NEK11: variants seen among roughly 807,000 people sequenced by gnomAD.
NEK11 encodes NIMA related kinase 11.
NEK11 carries 72 observed loss-of-function variants against 80.7 expected under a neutral mutation model. The observed-to-expected ratio is 0.89, with a 90% CI of 0.74 to 1.08. The LOEUF is 1.08. Among genes scored for constraint, NEK11 ranks in the 50% least tolerant of loss-of-function variants. NEK11 has a pLI of 0.00. For synonymous variants in NEK11, 251 were observed against 260.7 expected (o/e 0.96, Z 0.36); for missense variants, 764 against 763.6 (o/e 1.00, Z -0.01).
intron 17 of NEK11, among the ~76,000 whole-genome samples, chr3:131,281,116 T>C (rs1392128860): frequency 6.6e-6 from 1 of 152,106 alleles, no homozygotes; most frequent in Non-Finnish European, 1.5e-5. Context: ...TACACAGGTT[T>C]ATTGATTTCT....
intron 4 of NEK11, among the ~76,000 whole-genome samples, chr3:131,094,485 A>G (rs1218024616): frequency 6.6e-6 from 1 of 152,164 alleles, no homozygotes; most frequent in Non-Finnish European, 1.5e-5. Flanking sequence ...ACCTTTGAAC[A>G]AGGCAATACA....
chr3:131,037,610 G>C (rs988703552), intron 3 of NEK11, among the ~76,000 whole-genome samples: 1 of 152,084 alleles, frequency 6.6e-6, no homozygotes, highest in Non-Finnish European at 1.5e-5. Context: ...AAAATGTGTG[G>C]GTTTTTGTAA....
At position 131,072,502 on chromosome 3, in the gene NEK11, C is replaced by A. The variant is rs146302502; in HGVS notation, c.171-7921C>A. 1.7e-3 allele frequency among the ~76,000 whole-genome samples: 262 copies of A among 152,168 alleles called. 1 individual carries two copies. The highest frequency in any genetic ancestry group is 5.9e-3 in the African/African-American group (245 of 41,496). On this transcript the variant is annotated intron_variant, in intron 3 of 17. Coordinates refer to ENST00000383366, the MANE Select transcript of NEK11 (RefSeq NM_024800.5). ...GGGGTAGGCAGTCATCAGTGTTTCT[C>A]ACAATAAGGAGGCCACAATATTCGA...
chr3:131,200,334 G>A (rs1251438890), intron 14 of NEK11, among the ~76,000 whole-genome samples: 2 of 152,184 alleles, frequency 1.3e-5, no homozygotes, highest in African/African-American at 2.4e-5. Context: ...ATAATACCAA[G>A]TGTTGTTAAG....
chr3:131,314,769 C>T (rs1387831918), intron 17 of NEK11, among the ~76,000 whole-genome samples: 1 of 152,238 alleles, frequency 6.6e-6, no homozygotes, highest in Non-Finnish European at 1.5e-5. Context: ...AGGTGGAAAA[C>T]AGCCTTGACT....
At chr3:131,098,577 C>CTTT (rs755143299) in intron 4 of NEK11, among the ~76,000 whole-genome samples, 1 of 137,028 alleles carries the variant, frequency 7.3e-6, no homozygotes. Flanking sequence ...CCTTTGCCCA[C>CTTT]TTTTTTTTTT....
At chr3:131,289,829 A>G (rs1411091854) in intron 17 of NEK11, among the ~76,000 whole-genome samples, 1 of 152,188 alleles carries the variant, frequency 6.6e-6, no homozygotes, top group Non-Finnish European at 1.5e-5. Context: ...GTTCTTGATA[A>G]GACAAACCCA....
intron 17 of NEK11, among the ~76,000 whole-genome samples, chr3:131,306,814 A>G (rs957930121): frequency 1.3e-5 from 2 of 152,182 alleles, no homozygotes. Flanking sequence ...GGGACCCTGT[A>G]TAACTGGGTT....
chr3:131,340,986 A>G (rs75611626), intron 17 of NEK11, among the ~76,000 whole-genome samples: 2,537 of 152,320 alleles, frequency 0.017, 69 homozygotes, highest in African/African-American at 0.057. Flanking sequence ...TAACTAAAGG[A>G]ATAGTTCCTG....
At chr3:131,208,714 C>A (rs1484182011) in intron 14 of NEK11, among the ~76,000 whole-genome samples, 1 of 152,086 alleles carries the variant, frequency 6.6e-6, no homozygotes. Context: ...GTATTTTATT[C>A]TCTTTGAAGC....
chr3:131,096,136 G>T (rs900861872), intron 4 of NEK11, among the ~76,000 whole-genome samples: 1 of 151,934 alleles, frequency 6.6e-6, no homozygotes, highest in Non-Finnish European at 1.5e-5. Flanking sequence ...CACCCAGGTA[G>T]TGAACATAGT....
At chr3:131,115,911 TTTC>T in intron 5 of NEK11, among the ~76,000 whole-genome samples, 1 of 47,588 alleles carries the variant, frequency 2.1e-5, no homozygotes, top group Admixed American at 2.4e-4. Flanking sequence ...GTTTTCTTTC[TTTC>T]TTTCTTTCTT....
chr3:131,145,932 A>G (rs1050209010), intron 7 of NEK11, among the ~76,000 whole-genome samples: 9 of 152,168 alleles, frequency 5.9e-5, no homozygotes, highest in Non-Finnish European at 2.9e-5. Flanking sequence ...AACACTATTA[A>G]CATTCCAGCT....
At chr3:131,174,844 G>T in intron 14 of NEK11, 1 of 1,588,580 alleles carries the variant, frequency 6.3e-7, no homozygotes, top group South Asian at 1.2e-5. Flanking sequence ...GGGTCTACAA[G>T]GAGCATGACT....
rs1299673674 is a variant in NEK11 at position 131,133,859 on chromosome 3, G to T, written c.550G>T (p.Gly184Ter). The T allele has an allele frequency of 6.2e-7, 1 of 1,611,146 alleles. No individual in the cohort carries two copies. The highest frequency in any genetic ancestry group is 1.3e-5 in the African/African-American group (1 of 74,866). Residue 184 changes from glycine (G) to a stop codon, truncating the protein, a stop_gained, in exon 7 of 18, where the codon GGA becomes TGA. Coordinates refer to ENST00000383366, the MANE Select transcript of NEK11 (RefSeq NM_024800.5). LOFTEE classifies it high-confidence loss of function. Reference protein sequence around the residue: ...GDFGVSRLLMGSCDLATTLTG... With the variant: ...GDFGVSRLLM ...TTTTGGAGTTTCTCGACTTCTAATG[G>T]GATCCTGTGACCTGGCCACAACTTT...
intron 17 of NEK11, among the ~76,000 whole-genome samples, chr3:131,320,516 G>C (rs1484905741): frequency 2.0e-5 from 3 of 148,314 alleles, no homozygotes; most frequent in African/African-American, 7.8e-5. Flanking sequence ...ATGGGGAAGA[G>C]GAGGGAGAGA....
chr3:131,196,588 G>C (rs112623538), intron 14 of NEK11, among the ~76,000 whole-genome samples: 2,574 of 151,800 alleles, frequency 0.017, 69 homozygotes, highest in African/African-American at 0.059. Context: ...AGCTGGAGTA[G>C]AGTGGCATGA....
chr3:131,253,802 A>G (rs2095754445), intron 16 of NEK11, among the ~76,000 whole-genome samples: 1 of 152,184 alleles, frequency 6.6e-6, no homozygotes, highest in Non-Finnish European at 1.5e-5. Flanking sequence ...ACCATAATGC[A>G]TGTGTATTAA....
At chr3:131,235,948 GA>G (rs2095423791) in intron 15 of NEK11, among the ~76,000 whole-genome samples, 1 of 152,178 alleles carries the variant, frequency 6.6e-6, no homozygotes, top group Non-Finnish European at 1.5e-5. Context: ...CAAAGTGTGT[GA>G]AAATGGACTA....
Sources: allele counts gnomAD v4.1 joint callset (sites outside exome capture counted in the v4.1 genomes callset), GRCh38; gene constraint gnomAD v4.1.1; transcripts MANE v1.5; gene names NCBI Gene and HGNC (gene_info 2026-07-23, HGNC 2026-07-21).